The following GRIN2B variants were observed in gnomAD, a reference collection of about 807,000 sequenced individuals.
The protein encoded by GRIN2B is glutamate ionotropic receptor NMDA type subunit 2B.
GRIN2B carries 5 observed loss-of-function variants against 114.5 expected under a neutral mutation model. The observed-to-expected ratio is 0.04, with a 90% CI of 0.02 to 0.09. The LOEUF is 0.09. Ranked by LOEUF, GRIN2B falls within the 10% of genes least tolerant of loss-of-function variation. The pLI is 1.00. For synonymous variants in GRIN2B, 787 were observed against 745.1 expected (o/e 1.06, Z -0.92); for missense variants, 1,108 against 1,943.5 (o/e 0.57, Z 8.08).
intron 3 of GRIN2B, among the ~76,000 whole-genome samples, chr12:13,845,953 A>G (rs373705910): frequency 1.4e-5 from 2 of 147,270 alleles, no homozygotes; most frequent in African/African-American, 5.0e-5. Flanking sequence ...TGTTTACTTT[A>G]ATCTACTCAC....
intron 3 of GRIN2B, among the ~76,000 whole-genome samples, chr12:13,848,712 T>C (rs1865507782): frequency 1.3e-5 from 2 of 152,130 alleles, no homozygotes; most frequent in Admixed American, 1.3e-4. Flanking sequence ...TACTTCCAAC[T>C]CTTAACAGCT....
At chr12:13,642,968 G>C (rs1340766785) in intron 5 of GRIN2B, among the ~76,000 whole-genome samples, 2 of 152,082 alleles carry the variant, frequency 1.3e-5, no homozygotes, top group African/African-American at 4.8e-5. Flanking sequence ...CTCAGTATAT[G>C]CCACAAAAGA....
At chr12:13,710,711 T>C (rs1325165081) in intron 4 of GRIN2B, among the ~76,000 whole-genome samples, 2 of 152,030 alleles carry the variant, frequency 1.3e-5, no homozygotes, top group Non-Finnish European at 2.9e-5. Context: ...AAACCACTGC[T>C]CAATGAAATA....
chr12:13,878,670 G>A (rs779533925), intron 2 of GRIN2B, among the ~76,000 whole-genome samples: 2 of 152,184 alleles, frequency 1.3e-5, no homozygotes, highest in Non-Finnish European at 2.9e-5. Flanking sequence ...CCACCACTGA[G>A]TCGAGTATGG....
chr12:13,635,755 T>G (rs932532798), intron 5 of GRIN2B, among the ~76,000 whole-genome samples: 4 of 152,054 alleles, frequency 2.6e-5, no homozygotes, highest in African/African-American at 9.7e-5. Context: ...TGGAGTTTCC[T>G]CTACATTATG....
At chr12:13,877,742 A>C (rs1197676011) in intron 2 of GRIN2B, among the ~76,000 whole-genome samples, 1 of 151,996 alleles carries the variant, frequency 6.6e-6, no homozygotes, top group Non-Finnish European at 1.5e-5. Flanking sequence ...AAATTCTGTG[A>C]ATTCTGGTCT....
chr12:13,907,425 G>C (rs1015111482), intron 2 of GRIN2B, among the ~76,000 whole-genome samples: 2 of 151,478 alleles, frequency 1.3e-5, no homozygotes, highest in Non-Finnish European at 2.9e-5. Flanking sequence ...GTGAGGCAGA[G>C]AGCCTGCAGT....
intron 4 of GRIN2B, among the ~76,000 whole-genome samples, chr12:13,745,165 T>C (rs765231399): frequency 9.2e-5 from 14 of 152,172 alleles, no homozygotes; most frequent in Non-Finnish European, 1.3e-4. Flanking sequence ...GTTAGTTAAG[T>C]TGACCTTGCA....
At chr12:13,689,585 G>A (rs1950198458) in intron 4 of GRIN2B, among the ~76,000 whole-genome samples, 1 of 151,974 alleles carries the variant, frequency 6.6e-6, no homozygotes, top group Non-Finnish European at 1.5e-5. Context: ...CTCCTCCTGG[G>A]CCCTTTGCCT....
chr12:13,814,285 G>A (rs534136963), intron 3 of GRIN2B, among the ~76,000 whole-genome samples: 2 of 152,344 alleles, frequency 1.3e-5, no homozygotes, highest in South Asian at 2.1e-4. Flanking sequence ...GAGGGACCAC[G>A]AAGAGAGCGA....
At chr12:13,607,414 AT>A (rs2136467748) in intron 10 of GRIN2B, among the ~76,000 whole-genome samples, 1 of 79,454 alleles carries the variant, frequency 1.3e-5, no homozygotes, top group East Asian at 3.2e-4. Context: ...TATAAAATAT[AT>A]AATATATATT....
At chr12:13,872,910 TA>T (rs1394199021) in intron 2 of GRIN2B, among the ~76,000 whole-genome samples, 1 of 152,160 alleles carries the variant, frequency 6.6e-6, no homozygotes, top group African/African-American at 2.4e-5. Flanking sequence ...TGTGATATCA[TA>T]GTATTTTAAG....
intron 5 of GRIN2B, among the ~76,000 whole-genome samples, chr12:13,634,704 A>C (rs573241173): frequency 6.6e-6 from 1 of 152,230 alleles, no homozygotes; most frequent in African/African-American, 2.4e-5. Context: ...CATTTTGTTA[A>C]GTACCCAACA....
intron 10 of GRIN2B, among the ~76,000 whole-genome samples, chr12:13,597,970 G>A (rs750601870): frequency 1.3e-5 from 2 of 152,064 alleles, no homozygotes; most frequent in African/African-American, 4.8e-5. Context: ...AAAACTCAAC[G>A]TGATGCCAGC....
intron 3 of GRIN2B, among the ~76,000 whole-genome samples, chr12:13,810,229 T>A (rs1864702270): frequency 6.6e-6 from 1 of 151,966 alleles, no homozygotes; most frequent in South Asian, 2.1e-4. Context: ...ATTTTTTTTT[T>A]TTTCGAGACA....
At chr12:13,656,043 C>T (rs1949859759) in intron 5 of GRIN2B, among the ~76,000 whole-genome samples, 1 of 152,110 alleles carries the variant, frequency 6.6e-6, no homozygotes, top group South Asian at 2.1e-4. Context: ...CCTCTCCGTT[C>T]TCTTGCTTCT....
chr12:13,595,543 C>T (rs1949060630), intron 10 of GRIN2B, among the ~76,000 whole-genome samples: 1 of 152,184 alleles, frequency 6.6e-6, no homozygotes, highest in Admixed American at 6.5e-5. Flanking sequence ...CAAGTTGCAC[C>T]AGGTAATGGT....
chr12:13,897,151 G>A lies in GRIN2B; in HGVS notation c.-18-30925C>T, dbSNP rs1866367679. 2.0e-5 allele frequency among the ~76,000 whole-genome samples: 3 copies of A among 152,014 alleles called. No individual in the cohort carries two copies. The South Asian group carries it at 6.2e-4, about 32-fold the overall frequency. ...TCGCAACGCATCGATAAATGGACAA[G>A]AACTAGGAAAAGCCTGATGTGTTAG... is the stretch of plus-strand genomic sequence containing the variant. On this transcript the variant is annotated intron_variant, in intron 2 of 13. Coordinates refer to ENST00000609686, the MANE Select transcript of GRIN2B (RefSeq NM_000834.5).
chr12:13,633,971 T>C (rs1949641534), intron 5 of GRIN2B, among the ~76,000 whole-genome samples: 1 of 152,112 alleles, frequency 6.6e-6, no homozygotes, highest in African/African-American at 2.4e-5. Flanking sequence ...AATCCATTTA[T>C]GGATAATAAA....
Sources: allele counts gnomAD v4.1 joint callset (sites outside exome capture counted in the v4.1 genomes callset), GRCh38; gene constraint gnomAD v4.1.1; transcripts MANE v1.5; gene names NCBI Gene and HGNC (gene_info 2026-07-23, HGNC 2026-07-21).